TASP1: variants seen among roughly 807,000 people sequenced by gnomAD.
TASP1 encodes the protein taspase 1.
TASP1 carries 16 observed loss-of-function variants against 56.6 expected under a neutral mutation model. The ratio of observed to expected loss-of-function variants is 0.28; its 90% CI spans 0.19 to 0.43. TASP1 has a LOEUF of 0.43. TASP1 is among the 20% of genes least tolerant of loss of function. TASP1 has a pLI of 1.00. For missense variants in TASP1, 393 were observed against 511.6 expected (o/e 0.77, Z 2.24); for synonymous variants, 179 against 184.2 (o/e 0.97, Z 0.23).
chr20:13,638,863 C>T, intron 1 of TASP1, 31 bp downstream of exon 1: 1 of 152,844 alleles, frequency 6.5e-6, no homozygotes, highest in Non-Finnish European at 1.5e-5. Flanking sequence ...GCGGCAGCGG[C>T]GCGGACAGCG....
chr20:13,206,820 T>C, the TASP1 span, among the ~76,000 whole-genome samples: 3 of 152,174 alleles, frequency 2.0e-5, no homozygotes, highest in East Asian at 1.9e-4. Flanking sequence ...GGGTGGAAAA[T>C]GTAATTCTTC....
At chr20:13,266,020 G>A in the TASP1 span, among the ~76,000 whole-genome samples, 1 of 152,166 alleles carries the variant, frequency 6.6e-6, no homozygotes, top group Non-Finnish European at 1.5e-5. Flanking sequence ...AGGACAAAGT[G>A]GAAGAGAGAA....
the TASP1 span, among the ~76,000 whole-genome samples, chr20:13,317,393 T>C: frequency 6.6e-6 from 1 of 152,060 alleles, no homozygotes; most frequent in Non-Finnish European, 1.5e-5. Context: ...TTCAAGGCAA[T>C]CTTATTCAAA....
chr20:13,567,682 G>T (rs1601280006), intron 7 of TASP1, among the ~76,000 whole-genome samples: 1 of 152,006 alleles, frequency 6.6e-6, no homozygotes, highest in Non-Finnish European at 1.5e-5. Flanking sequence ...CATAATAATA[G>T]CAAGACTGGA....
At chr20:13,174,690 C>T in the TASP1 span, among the ~76,000 whole-genome samples, 1 of 144,274 alleles carries the variant, frequency 6.9e-6, no homozygotes, top group East Asian at 2.1e-4. Flanking sequence ...CAGAGTGAAA[C>T]CTTGTCACGA....
At chr20:13,345,916 T>TAAAAAAAAAAAAAA in the TASP1 span, among the ~76,000 whole-genome samples, 1 of 101,332 alleles carries the variant, frequency 9.9e-6, no homozygotes, top group Non-Finnish European at 2.1e-5. Context: ...CTCAGTAGGT[T>TAAAAAAAAAAAAAA]AAAAAAAAAA....
intron 11 of TASP1, among the ~76,000 whole-genome samples, chr20:13,438,023 T>G (rs1380164810): frequency 6.6e-6 from 1 of 151,950 alleles, no homozygotes; most frequent in African/African-American, 2.4e-5. Flanking sequence ...AAAGTTCATA[T>G]GGAACCAAAA....
chr20:13,341,855 T>A, the TASP1 span, among the ~76,000 whole-genome samples: 4 of 152,206 alleles, frequency 2.6e-5, no homozygotes, highest in African/African-American at 9.7e-5. Context: ...CAATCACACA[T>A]CTGGTAGTTG....
At chr20:13,463,296 G>A (rs936184490) in intron 11 of TASP1, among the ~76,000 whole-genome samples, 1 of 152,072 alleles carries the variant, frequency 6.6e-6, no homozygotes, top group African/African-American at 2.4e-5. Flanking sequence ...ATGATGCTAG[G>A]AAAAGTGGAT....
At chr20:13,632,298 G>A (rs558002891) in intron 1 of TASP1, among the ~76,000 whole-genome samples, 4 of 148,646 alleles carry the variant, frequency 2.7e-5, no homozygotes, top group South Asian at 2.1e-4. Context: ...CCCGGGAGGC[G>A]AGGTTGCAGT....
chr20:13,480,688 C>T (rs555755654), intron 11 of TASP1, among the ~76,000 whole-genome samples: 29 of 152,316 alleles, frequency 1.9e-4, no homozygotes, highest in African/African-American at 6.7e-4. Context: ...GTAGAACTAG[C>T]TAATCTGTAG....
the TASP1 span, among the ~76,000 whole-genome samples, chr20:13,350,139 AC>A: frequency 3.9e-5 from 6 of 152,234 alleles, no homozygotes; most frequent in African/African-American, 4.8e-5. Flanking sequence ...TCTCAAAAAA[AC>A]AAAACAAAAA....
the TASP1 span, among the ~76,000 whole-genome samples, chr20:13,120,254 A>G: frequency 6.6e-6 from 1 of 152,162 alleles, no homozygotes; most frequent in Admixed American, 6.5e-5. Flanking sequence ...GTTGATAGAC[A>G]GATGAATAAT....
the TASP1 span, among the ~76,000 whole-genome samples, chr20:13,209,288 T>C: frequency 6.6e-6 from 1 of 152,204 alleles, no homozygotes; most frequent in Non-Finnish European, 1.5e-5. Flanking sequence ...ATTTTGGTGT[T>C]TTTGTTAAGT....
At chr20:13,637,123 G>C (rs1007171870) in intron 1 of TASP1, among the ~76,000 whole-genome samples, 1 of 152,062 alleles carries the variant, frequency 6.6e-6, no homozygotes, top group Admixed American at 6.6e-5. Context: ...ATATACAAAG[G>C]GTCAATAAGC....
At chr20:13,325,957 C>T in the TASP1 span, among the ~76,000 whole-genome samples, 1 of 152,190 alleles carries the variant, frequency 6.6e-6, no homozygotes, top group Non-Finnish European at 1.5e-5. Context: ...TATCTTACCA[C>T]CTCTTTATAG....
the TASP1 span, among the ~76,000 whole-genome samples, chr20:13,354,630 A>G: frequency 6.6e-6 from 1 of 152,222 alleles, no homozygotes; most frequent in Non-Finnish European, 1.5e-5. Context: ...AAACCATTAA[A>G]GAACATAATC....
At chr20:13,566,793 G>T (rs1432931558) in intron 7 of TASP1, among the ~76,000 whole-genome samples, 2 of 152,124 alleles carry the variant, frequency 1.3e-5, no homozygotes, top group African/African-American at 4.8e-5. Flanking sequence ...ACACTGGTGA[G>T]GTTGCGGAGA....
chr20:13,265,311 T>G, the TASP1 span, among the ~76,000 whole-genome samples: 11,115 of 152,290 alleles, frequency 0.073, 442 homozygotes, highest in East Asian at 0.18. Flanking sequence ...AACCTTTCTT[T>G]CTTTTTAATA....
Sources: allele counts gnomAD v4.1 joint callset (sites outside exome capture counted in the v4.1 genomes callset), GRCh38; gene constraint gnomAD v4.1.1; transcripts MANE v1.5; gene names NCBI Gene and HGNC (gene_info 2026-07-23, HGNC 2026-07-21).